The following ANXA4 variants were observed in gnomAD, a reference collection of about 807,000 sequenced individuals.
The protein encoded by ANXA4 is 35-beta calcimedin.
In ANXA4, 39 loss-of-function variants were observed where a neutral mutation model predicts 49.8. That is an observed-to-expected ratio of 0.78 (90% CI 0.61 to 1.02). The LOEUF (loss-of-function observed/expected upper bound fraction) is 1.02. Ranked by LOEUF, ANXA4 falls within the 50% of genes least tolerant of loss-of-function variation. ANXA4 has a pLI of 0.00. For synonymous variants in ANXA4, 134 were observed against 152.5 expected, an observed-to-expected ratio of 0.88 and a Z score of 0.89; for missense variants, 360 against 410.1, an observed-to-expected ratio of 0.88 and a Z score of 1.05.
intron 2 of ANXA4, among the ~76,000 whole-genome samples, chr2:69,689,006 G>C (rs759968618): frequency 1.3e-5 from 2 of 152,118 alleles, no homozygotes; most frequent in African/African-American, 2.4e-5. Context: ...GAAAGAATTA[G>C]GAAGTTCTCC....
rs58550873 is a variant in ANXA4, at chr2:69,762,390, A to G, written c.-46-19130A>G. ...GACAGAGTGAGACCCCGTCTAGGGG[A>G]AAAAAAAAAAAAAAGACATAGTGAA... On this transcript the variant is annotated intron_variant, in intron 1 of 12. Coordinates refer to ENST00000394295, the MANE Select transcript of ANXA4 (RefSeq NM_001153.5). Among the ~76,000 whole-genome samples the G allele has an allele frequency of 2.9e-3, 352 of 121,794 alleles. 1 individual carries two copies. Among genetic ancestry groups the G allele is most frequent in the Non-Finnish European group, 4.0e-3 (258 of 64,278 alleles). The allele number at this position is 121,794 out of a possible 152,430, so 79.9% of individuals were successfully genotyped here. A position where few individuals can be genotyped will look rare whatever the true frequency, so the allele number is the denominator to read the frequency against.
At position 69,726,488 on chromosome 2, in the gene ANXA4, G is replaced by A. The variant is rs115626624; in HGVS notation, n.864+5617G>A. On this transcript the variant is annotated intron_variant and non_coding_transcript_variant, in intron 3 of 3. Coordinates refer to the ANXA4 transcript ENST00000418066. ...CTTTATTACTATGCTAGAAAAATGC[G>A]ATGATTTCGCCTAAAAGATTGACTT... 7.9e-3 allele frequency among the ~76,000 whole-genome samples: 1,209 copies of A among 152,276 alleles called. 9 individuals carry two copies. Among genetic ancestry groups the A allele is most frequent in the Non-Finnish European group, 0.012 (839 of 68,026 alleles).
chr2:69,810,970 A>G (rs1323559650), intron 7 of ANXA4: 3 of 351,176 alleles, frequency 8.5e-6, no homozygotes, highest in African/African-American at 4.1e-5. Flanking sequence ...CCTTAAGAGT[A>G]TATATTGTCA....
intron 1 of ANXA4, among the ~76,000 whole-genome samples, chr2:69,651,363 G>A (rs1010369601): frequency 6.6e-6 from 1 of 152,108 alleles, no homozygotes. Context: ...AGAGCAAGAC[G>A]TATTTTTGTT....
At chr2:69,771,109 G>GAAAAAAAAAAAAAAAA (rs70954358) in intron 1 of ANXA4, among the ~76,000 whole-genome samples, 1 of 104,750 alleles carries the variant, frequency 9.5e-6, no homozygotes, top group Non-Finnish European at 2.0e-5. Context: ...AAAAAAAAAA[G>GAAAAAAAAAAAAAAAA]AAAAAAAAAA....
At chr2:69,680,526 C>T (rs1174978444) in intron 2 of ANXA4, among the ~76,000 whole-genome samples, 1 of 152,180 alleles carries the variant, frequency 6.6e-6, no homozygotes, top group Non-Finnish European at 1.5e-5. Context: ...CTGGCTAGGA[C>T]TTTCAATCCT....
At chr2:69,805,378 TG>T (rs1673400032) in intron 4 of ANXA4, among the ~76,000 whole-genome samples, 1 of 151,818 alleles carries the variant, frequency 6.6e-6, no homozygotes, top group South Asian at 2.1e-4. Context: ...CCGAGGCGAG[TG>T]GATCACTTGA....
intron 2 of ANXA4, among the ~76,000 whole-genome samples, chr2:69,671,202 A>G (rs781630542): frequency 5.9e-5 from 9 of 152,068 alleles, no homozygotes; most frequent in Non-Finnish European, 8.8e-5. Flanking sequence ...ACAAACCTTT[A>G]AAAAATGATA....
intron 2 of ANXA4, among the ~76,000 whole-genome samples, chr2:69,655,291 T>C (rs147465503): frequency 0.011 from 1,708 of 152,212 alleles, 13 homozygotes; most frequent in Non-Finnish European, 0.019. Context: ...GACCAAGGGC[T>C]AATACCCAGA....
chr2:69,766,911 A>G (rs1306041245), intron 1 of ANXA4, among the ~76,000 whole-genome samples: 1 of 152,144 alleles, frequency 6.6e-6, no homozygotes, highest in Non-Finnish European at 1.5e-5. Flanking sequence ...ATCTGGGAGA[A>G]ATGCACTCTT....
chr2:69,819,232 G>T (rs1420490084), intron 10 of ANXA4, 48 bp from the exon 11 acceptor site: 3 of 1,349,310 alleles, frequency 2.2e-6, no homozygotes, highest in South Asian at 2.6e-5. Context: ...CTTTTTTCAT[G>T]GGTCTTATCT....
chr2:69,714,607 C>T (rs1678812784), intron 2 of ANXA4, among the ~76,000 whole-genome samples: 1 of 152,194 alleles, frequency 6.6e-6, no homozygotes, highest in Non-Finnish European at 1.5e-5. Flanking sequence ...CCTGTGTTGT[C>T]CCCACAGCTC....
At chr2:69,763,810 G>C (rs1397708247) in intron 1 of ANXA4, among the ~76,000 whole-genome samples, 1 of 151,862 alleles carries the variant, frequency 6.6e-6, no homozygotes, top group Non-Finnish European at 1.5e-5. Context: ...TTACAGGCGT[G>C]CGCCACCACG....
chr2:69,774,578 A>T (rs1437133420), intron 1 of ANXA4, among the ~76,000 whole-genome samples: 4 of 151,604 alleles, frequency 2.6e-5, no homozygotes, highest in Non-Finnish European at 5.9e-5. Context: ...GACCTCAGGT[A>T]GTCCACCCAC....
At chr2:69,660,336 A>G (rs143258186) in intron 2 of ANXA4, among the ~76,000 whole-genome samples, 1 of 152,128 alleles carries the variant, frequency 6.6e-6, no homozygotes, top group South Asian at 2.1e-4. Context: ...ACGTAAAATC[A>G]CTCTGGATAC....
At chr2:69,812,834 A>G in intron 8 of ANXA4, 125 bp downstream of exon 8, 1 of 813,808 alleles carries the variant, frequency 1.2e-6, no homozygotes. Context: ...GTTCTTTAAA[A>G]ATATTCCCAC....
chr2:69,718,824 G>GCA (rs559368351), intron 2 of ANXA4, among the ~76,000 whole-genome samples: 2 of 150,118 alleles, frequency 1.3e-5, no homozygotes, highest in Admixed American at 6.6e-5. Context: ...CTGCACACAT[G>GCA]CACACACATA....
chr2:69,692,496 TA>T, intron 2 of ANXA4, among the ~76,000 whole-genome samples: 1 of 152,224 alleles, frequency 6.6e-6, no homozygotes. Flanking sequence ...TATAGTTCCA[TA>T]ACAGTATATA....
intron 3 of ANXA4, among the ~76,000 whole-genome samples, chr2:69,801,019 A>C (rs563178490): frequency 1.4e-4 from 21 of 152,266 alleles, no homozygotes; most frequent in Non-Finnish European, 2.5e-4. Context: ...TCTGATCTAC[A>C]TAGGGCACCA....
Sources: allele counts gnomAD v4.1 joint callset (sites outside exome capture counted in the v4.1 genomes callset), GRCh38; gene constraint gnomAD v4.1.1; transcripts MANE v1.5; gene names NCBI Gene and HGNC (gene_info 2026-07-23, HGNC 2026-07-21).